PCGF6: variants seen among roughly 807,000 people sequenced by gnomAD.
PCGF6 encodes polycomb group RING finger protein 6.
In PCGF6, 24 loss-of-function variants were observed where a neutral mutation model predicts 45.5. The ratio of observed to expected loss-of-function variants is 0.53; its 90% CI spans 0.38 to 0.74. The LOEUF (loss-of-function observed/expected upper bound fraction) is 0.74. Among genes scored for constraint, PCGF6 ranks in the 30% least tolerant of loss-of-function variants. The probability of loss-of-function intolerance (pLI) is 0.00; values close to 1 mark genes in which losing one functional copy is unlikely to be tolerated. For synonymous variants in PCGF6, 152 were observed against 162.1 expected (o/e 0.94, Z 0.47); for missense variants, 356 against 443.2 (o/e 0.80, Z 1.77).
At chr10:103,309,170 T>C (rs763500798) in intron 9 of PCGF6, among the ~76,000 whole-genome samples, 17 of 151,544 alleles carry the variant, frequency 1.1e-4, no homozygotes, top group African/African-American at 2.4e-4. Flanking sequence ...TGATTGTCTT[T>C]TGAAATGTGA....
At chr10:103,348,601 G>A in intron 3 of PCGF6, 115 bp downstream of exon 3, 1 of 775,010 alleles carries the variant, frequency 1.3e-6, no homozygotes, top group Non-Finnish European at 2.0e-6. Flanking sequence ...CTGGGATTAT[G>A]GCATTAGCCA....
intron 6 of PCGF6, among the ~76,000 whole-genome samples, chr10:103,340,221 A>T (rs1375983526): frequency 6.6e-5 from 9 of 137,324 alleles, no homozygotes; most frequent in Admixed American, 1.5e-4. Flanking sequence ...ATATATATAT[A>T]TTTTATATAC....
chr10:103,326,193 C>T (rs1043852966), intron 8 of PCGF6, among the ~76,000 whole-genome samples: 5 of 149,508 alleles, frequency 3.3e-5, no homozygotes, highest in Admixed American at 1.3e-4. Context: ...GTCAGGAGAT[C>T]GAGACCACAG....
chr10:103,316,975 T>TA (rs931128957), intron 8 of PCGF6, among the ~76,000 whole-genome samples: 4 of 152,162 alleles, frequency 2.6e-5, no homozygotes, highest in African/African-American at 7.2e-5. Context: ...CATAAAAAGT[T>TA]AAAGAATTTG....
intron 8 of PCGF6, 67 bp from the exon 9 acceptor site, chr10:103,314,339 A>T: frequency 1.1e-6 from 1 of 915,612 alleles, no homozygotes; most frequent in Non-Finnish European, 1.7e-6. Flanking sequence ...AAATGAGGAA[A>T]ACAAATCAAC....
At chr10:103,314,313 A>G (rs1293070329) in intron 8 of PCGF6, 41 bp from the exon 9 acceptor site, 1 of 1,180,372 alleles carries the variant, frequency 8.5e-7, no homozygotes, top group Admixed American at 2.1e-5. Flanking sequence ...TTCTTGCTTC[A>G]AAATACCATC....
intron 8 of PCGF6, among the ~76,000 whole-genome samples, chr10:103,316,543 C>G (rs1363657102): frequency 6.6e-6 from 1 of 152,034 alleles, no homozygotes; most frequent in Non-Finnish European, 1.5e-5. Flanking sequence ...GATCACAAAG[C>G]TAGTAAATAG....
chr10:103,310,261 C>CT (rs996281435), intron 9 of PCGF6, among the ~76,000 whole-genome samples: 1 of 147,758 alleles, frequency 6.8e-6, no homozygotes, highest in African/African-American at 2.5e-5. Context: ...CCAACCATGT[C>CT]TTAAAAAAAA....
chr10:103,315,871 T>A (rs1241198061), intron 8 of PCGF6, among the ~76,000 whole-genome samples: 2 of 152,106 alleles, frequency 1.3e-5, no homozygotes, highest in Non-Finnish European at 2.9e-5. Context: ...AAGACTCTAC[T>A]ATACTTACTT....
chr10:103,332,736 T>C (rs1343559839), intron 7 of PCGF6, among the ~76,000 whole-genome samples: 1 of 152,164 alleles, frequency 6.6e-6, no homozygotes, highest in Non-Finnish European at 1.5e-5. Context: ...TCCCACCCAC[T>C]ACATGGCTAC....
At chr10:103,305,442 CGTAATTTTA>C (rs2093134908) in intron 9 of PCGF6, among the ~76,000 whole-genome samples, 1 of 151,826 alleles carries the variant, frequency 6.6e-6, no homozygotes, top group South Asian at 2.1e-4. Context: ...GGCTAATTTT[CGTAATTTTA>C]GTAGAGACGG....
chr10:103,343,502 A>G (rs1415417912), intron 6 of PCGF6, among the ~76,000 whole-genome samples: 2 of 152,138 alleles, frequency 1.3e-5, no homozygotes, highest in African/African-American at 2.4e-5. Context: ...TTGCTGCACT[A>G]AAATGGAGTA....
rs898284973 is a variant in PCGF6 at position 103,303,616 on chromosome 10, G to A, written c.*289C>T. 3.9e-6 allele frequency: 1 copy of A among 254,974 alleles called. No homozygotes were observed. Among genetic ancestry groups the A allele is most frequent in the African/African-American group, 2.2e-5 (1 of 44,964 alleles). 15.8% of individuals were successfully genotyped at this position (254,974 alleles called of 1,614,324 possible). A position where few individuals can be genotyped will look rare whatever the true frequency, so the allele number is the denominator to read the frequency against. On this transcript the variant is annotated 3_prime_UTR_variant, in exon 10 of 10. Coordinates refer to ENST00000369847, the MANE Select transcript of PCGF6 (RefSeq NM_001011663.2). ...AAAACTAACCAATTACTTCAAAGAT[G>A]GGAAGCAAAATCAATGTCAAGGTAT...
At chr10:103,334,279 ATATC>A (rs2093249339) in intron 6 of PCGF6, among the ~76,000 whole-genome samples, 2 of 152,084 alleles carry the variant, frequency 1.3e-5, no homozygotes, top group South Asian at 4.1e-4. Context: ...AAAATTGTGT[ATATC>A]TATAGGTTTT....
intron 8 of PCGF6, among the ~76,000 whole-genome samples, chr10:103,316,718 T>C (rs1191239458): frequency 6.6e-6 from 1 of 152,164 alleles, no homozygotes; most frequent in Non-Finnish European, 1.5e-5. Flanking sequence ...TCAGCTGTTA[T>C]AGCACAAAAG....
intron 6 of PCGF6, among the ~76,000 whole-genome samples, chr10:103,341,749 T>A (rs1166173845): frequency 6.6e-6 from 1 of 151,996 alleles, no homozygotes; most frequent in African/African-American, 2.4e-5. Flanking sequence ...CGGCCAACTC[T>A]TTAATTTTCA....
In PCGF6 at chr10:103,322,461, C is replaced by T. The variant is rs192372611; in HGVS notation, c.909+4073G>A. Reference sequence around the variant, plus strand: ...GCTCAAGCTATCCATCCACTTTGGCCTCCCAAAGTGCTGGGATTACAGGTG... The same window carrying T: ...GCTCAAGCTATCCATCCACTTTGGCTTCCCAAAGTGCTGGGATTACAGGTG... On this transcript the variant is annotated intron_variant, in intron 8 of 9. Coordinates refer to ENST00000369847, the MANE Select transcript of PCGF6 (RefSeq NM_001011663.2). Among the ~76,000 whole-genome samples the T allele has an allele frequency of 4.6e-5, 7 of 152,196 alleles. No individual in the cohort carries two copies. In the East Asian group the frequency reaches 1.4e-3, roughly 30 times the overall value.
intron 8 of PCGF6, among the ~76,000 whole-genome samples, chr10:103,317,739 G>C (rs932045255): frequency 4.6e-5 from 7 of 151,772 alleles, no homozygotes; most frequent in African/African-American, 1.7e-4. Context: ...CTAGCCCCTA[G>C]AGGGTGGTCA....
intron 8 of PCGF6, among the ~76,000 whole-genome samples, chr10:103,318,824 A>T (rs2093185849): frequency 6.6e-6 from 1 of 152,092 alleles, no homozygotes; most frequent in Non-Finnish European, 1.5e-5. Context: ...CAGTTAGAAA[A>T]CTTTTCACAT....
Sources: gnomAD v4.1 joint callset for allele counts (sites outside exome capture counted in the v4.1 genomes callset) on GRCh38, gnomAD v4.1.1 for gene constraint, MANE v1.5 for transcripts, NCBI Gene and HGNC (gene_info 2026-07-23, HGNC 2026-07-21) for gene names.